VWA3B: variants seen among roughly 807,000 people sequenced by gnomAD.
VWA3B encodes von Willebrand factor A domain containing 3B, also known as von Willebrand factor A domain-containing protein 3B.
In VWA3B, 138 loss-of-function variants were observed where a neutral mutation model predicts 158.3. That is an observed-to-expected ratio of 0.87 (90% confidence interval 0.76 to 1.00). The LOEUF is 1.00. Ranked by LOEUF, VWA3B falls within the 50% of genes least tolerant of loss-of-function variation. VWA3B has a pLI of 0.00. For synonymous variants in VWA3B, 596 were observed against 587.3 expected (o/e 1.01, Z -0.21); for missense variants, 1,555 against 1,565.1 (o/e 0.99, Z 0.11).
At chr2:98,325,819 A>C in the VWA3B span, among the ~76,000 whole-genome samples, 2 of 152,236 alleles carry the variant, frequency 1.3e-5, no homozygotes, top group Non-Finnish European at 2.9e-5. Context: ...CAAGTAGACC[A>C]AAACCAAAAA....
At chr2:98,200,999 A>G (rs1682498818) in intron 12 of VWA3B, among the ~76,000 whole-genome samples, 4 of 152,320 alleles carry the variant, frequency 2.6e-5, no homozygotes, top group South Asian at 2.1e-4. Flanking sequence ...CTGTTCTTTC[A>G]CCAACATCAC....
chr2:98,117,748 C>CT lies in VWA3B; in HGVS notation c.292-1744dup, dbSNP rs35080840. The stretch of plus-strand genomic sequence containing the variant: ...TTACTTTTTCCAAAGCTTAAATTAC[C>CT]TTTTTTTTTTTTTTTTTTTTTGATG... On this transcript the variant is annotated intron_variant, in intron 3 of 27. Transcript: ENST00000477737. Among the ~76,000 whole-genome samples, 536 of 119,462 alleles carry CT rather than the reference C, an allele frequency of 4.5e-3. 8 individuals carry two copies. The highest frequency in any genetic ancestry group is 0.024 in the East Asian group (106 of 4,430). The allele number at this position is 119,462 out of a possible 152,430, so 78.4% of individuals were successfully genotyped here. A position where few individuals can be genotyped will look rare whatever the true frequency, so the allele number is the denominator to read the frequency against.
intron 21 of VWA3B, among the ~76,000 whole-genome samples, chr2:98,263,953 A>G (rs1238770641): frequency 6.6e-6 from 1 of 151,656 alleles, no homozygotes; most frequent in Non-Finnish European, 1.5e-5. Context: ...TTTATTCATG[A>G]TTCAGTCTTA....
At chr2:98,327,918 C>T in the VWA3B span, among the ~76,000 whole-genome samples, 1 of 152,198 alleles carries the variant, frequency 6.6e-6, no homozygotes, top group Non-Finnish European at 1.5e-5. Context: ...TCAGATAGGG[C>T]CCTGACATTG....
intron 10 of VWA3B, among the ~76,000 whole-genome samples, chr2:98,189,335 AGGC>A (rs963482913): frequency 2.0e-5 from 3 of 152,164 alleles, no homozygotes; most frequent in Admixed American, 6.5e-5. Context: ...TGAACCCGGG[AGGC>A]GGAGCTTGCA....
In VWA3B at chr2:98,250,311, C is replaced by T. The variant is rs1206239063; in HGVS notation, c.2674-7C>T. 1.9e-6 allele frequency: 3 copies of T among 1,605,834 alleles called. No individual in the cohort carries two copies. The highest frequency in any genetic ancestry group is 1.7e-6 in the Non-Finnish European group (2 of 1,176,464). On this transcript the variant is annotated splice_region_variant and splice_polypyrimidine_tract_variant and intron_variant, in intron 19 of 27. Transcript: ENST00000477737. ...ACACTTTCCTTTCCTTTGCCATTGA[C>T]ATGCAGGTGTTCCCTCTGGCACATG...
intron 7 of VWA3B, among the ~76,000 whole-genome samples, chr2:98,150,640 CTT>C (rs1284656090): frequency 6.6e-6 from 1 of 152,186 alleles, no homozygotes; most frequent in East Asian, 1.9e-4. Context: ...TTTCTGTGAA[CTT>C]CTAGAGCAGG....
At chr2:98,201,859 G>A (rs1489014453) in intron 12 of VWA3B, among the ~76,000 whole-genome samples, 1 of 152,096 alleles carries the variant, frequency 6.6e-6, no homozygotes, top group Non-Finnish European at 1.5e-5. Context: ...TGCATTCTGG[G>A]ATAATCTCCA....
Position 98,188,001 on chromosome 2 carries a change from A to C in VWA3B, c.1338A>C (p.Ala446=). ...SAETNKKTVH[A]KYCSRFVHAP... The stretch of plus-strand genomic sequence containing the variant: ...AGACGAACAAGAAGACAGTCCATGC[A>C]AAATATTGCAGCAGGTTTGTCCATG... The change falls in exon 10 of 28, where the codon GCA becomes GCC. Residue 446 remains alanine (A), a synonymous_variant. Transcript: ENST00000477737. 1.9e-6 allele frequency: 3 copies of C among 1,613,670 alleles called. No individual in the cohort carries two copies. The highest frequency in any genetic ancestry group is 2.5e-6 in the Non-Finnish European group (3 of 1,179,854).
chr2:98,181,263 G>A lies in VWA3B; in HGVS notation c.1311+51G>A, dbSNP rs776938757. ...GGCTGGGGCCTCCCCTCAAGTCCTGGGTGGGTGAGGCCTCCATCGGGTCAG... is the reference window on the plus strand; with the variant it reads ...GGCTGGGGCCTCCCCTCAAGTCCTGAGTGGGTGAGGCCTCCATCGGGTCAG... On this transcript the variant is annotated intron_variant, in intron 9 of 27. Coordinates refer to ENST00000477737, the MANE Select transcript of VWA3B (RefSeq NM_144992.5). 33 of 1,585,126 alleles carry A rather than the reference G, an allele frequency of 2.1e-5. No homozygotes were observed. The Admixed American group carries it at 2.9e-4, about 14-fold the overall frequency.
chr2:98,115,640 A>G lies in VWA3B; in HGVS notation c.197-12A>G, dbSNP rs781252964. ...ACTACTGTTTTGATTGTTTTTCTTT[A>G]TAAAAATGCAGATTATGTGGCGTCT... is the stretch of plus-strand genomic sequence containing the variant. On this transcript the variant is annotated splice_polypyrimidine_tract_variant and intron_variant, in intron 2 of 27. Coordinates refer to ENST00000477737, the MANE Select transcript of VWA3B (RefSeq NM_144992.5). 40 of 1,611,408 alleles carry G rather than the reference A, an allele frequency of 2.5e-5. No homozygotes were observed. The highest frequency in any genetic ancestry group is 3.2e-5 in the Non-Finnish European group (38 of 1,178,110).
chr2:98,228,209 A>G lies in VWA3B; in HGVS notation c.2027A>G (p.Asp676Gly), dbSNP rs1193525519. ...CACTTCTCATTTTGGCAGAATGAAGATCTGACTCTTTTAGTTAAGGAAATG... is the reference window on the plus strand; with the variant it reads ...CACTTCTCATTTTGGCAGAATGAAGGTCTGACTCTTTTAGTTAAGGAAATG... Reference protein sequence around the residue: ...PTPPEAVQNEDLTLLVKEMEQ... With the variant: ...PTPPEAVQNEGLTLLVKEMEQ... The change falls in exon 15 of 28, where the codon GAT becomes GGT. Residue 676 changes from aspartate (D) to glycine (G), a missense_variant. Physicochemically the swap from Asp to Gly is moderately conservative, Grantham distance 94. Coordinates refer to ENST00000477737, the MANE Select transcript of VWA3B (RefSeq NM_144992.5). The G allele has an allele frequency of 1.9e-6, 3 of 1,612,034 alleles. No homozygotes were observed. In the African/African-American group the frequency reaches 4.0e-5, roughly 22 times the overall value.
intron 19 of VWA3B, among the ~76,000 whole-genome samples, chr2:98,241,067 A>T (rs1012227614): frequency 4.6e-5 from 7 of 152,102 alleles, no homozygotes; most frequent in African/African-American, 1.7e-4. Context: ...GACGAGTGGG[A>T]AGTGCTGAGT....
intron 21 of VWA3B, among the ~76,000 whole-genome samples, chr2:98,267,600 A>T (rs1687924730): frequency 6.6e-6 from 1 of 152,106 alleles, no homozygotes; most frequent in Non-Finnish European, 1.5e-5. Flanking sequence ...AAGATCCAAA[A>T]TTGACACCCT....
chr2:98,196,628 G>A (rs752417335), intron 12 of VWA3B, among the ~76,000 whole-genome samples: 2 of 152,090 alleles, frequency 1.3e-5, no homozygotes, highest in Non-Finnish European at 2.9e-5. Flanking sequence ...GAGGGAGCAG[G>A]TGCAAAACAG....
intron 14 of VWA3B, among the ~76,000 whole-genome samples, chr2:98,220,229 G>A (rs974113068): frequency 7.3e-5 from 11 of 151,082 alleles, no homozygotes; most frequent in African/African-American, 2.2e-4. Context: ...ACAAGCCTGC[G>A]GTACCAGAAA....
At chr2:98,154,977 A>G (rs1240897267) in intron 7 of VWA3B, among the ~76,000 whole-genome samples, 2 of 152,220 alleles carry the variant, frequency 1.3e-5, no homozygotes, top group African/African-American at 4.8e-5. Flanking sequence ...AGTCTCGACC[A>G]GGTGTCAGGA....
intron 23 of VWA3B, among the ~76,000 whole-genome samples, chr2:98,293,231 C>A (rs1485988503): frequency 6.6e-6 from 1 of 152,168 alleles, no homozygotes; most frequent in Non-Finnish European, 1.5e-5. Flanking sequence ...AAAGTACATA[C>A]TATACTCCCA....
chr2:98,253,821 T>G (rs1254063372), intron 20 of VWA3B, among the ~76,000 whole-genome samples: 1 of 152,074 alleles, frequency 6.6e-6, no homozygotes, highest in Admixed American at 6.6e-5. Flanking sequence ...GAAACTTTGT[T>G]AGAAAAATCC....
Sources: gnomAD v4.1 joint callset for allele counts (sites outside exome capture counted in the v4.1 genomes callset) on GRCh38, gnomAD v4.1.1 for gene constraint, MANE v1.5 for transcripts, NCBI Gene and HGNC (gene_info 2026-07-23, HGNC 2026-07-21) for gene names.